Variants in EBF1 observed in about 807,000 individuals in gnomAD.
EBF1 encodes EBF transcription factor 1.
In EBF1, 10 loss-of-function variants were observed where a neutral mutation model predicts 68.4. That is an observed-to-expected ratio of 0.15 (90% confidence interval 0.09 to 0.25). The LOEUF (loss-of-function observed/expected upper bound fraction) is 0.25, where lower values mean the gene tolerates loss of function less well. Among genes scored for constraint, EBF1 ranks in the 10% least tolerant of loss-of-function variants. The pLI, the probability that EBF1 is intolerant of heterozygous loss-of-function variation, is 1.00. For synonymous variants in EBF1, 298 were observed against 299.8 expected (o/e 0.99, Z 0.06); for missense variants, 509 against 794.4 (o/e 0.64, Z 4.32).
intron 6 of EBF1, among the ~76,000 whole-genome samples, chr5:158,969,332 G>A (rs1754832291): frequency 6.6e-6 from 1 of 152,144 alleles, no homozygotes; most frequent in South Asian, 2.1e-4. Context: ...TCCTCAGGAA[G>A]CATTTGTAGG....
intron 6 of EBF1, among the ~76,000 whole-genome samples, chr5:159,020,064 C>T (rs1398119625): frequency 3.9e-5 from 6 of 152,176 alleles, no homozygotes; most frequent in Admixed American, 1.3e-4. Flanking sequence ...CCATCTCTAA[C>T]GTTCTCTATA....
intron 5 of EBF1, among the ~76,000 whole-genome samples, chr5:159,076,761 G>A (rs1468807048): frequency 6.6e-6 from 1 of 152,116 alleles, no homozygotes; most frequent in African/African-American, 2.4e-5. Context: ...TCAAAATAAT[G>A]TCTGCTACAA....
intron 6 of EBF1, among the ~76,000 whole-genome samples, chr5:159,062,436 G>C (rs1327775443): frequency 6.7e-6 from 1 of 148,898 alleles, no homozygotes; most frequent in Non-Finnish European, 1.5e-5. Context: ...TTCTTTCAGA[G>C]TCAACCAGGC....
chr5:158,947,554 G>A (rs982333676), intron 6 of EBF1, among the ~76,000 whole-genome samples: 2 of 152,156 alleles, frequency 1.3e-5, no homozygotes, highest in Admixed American at 1.3e-4. Context: ...GAGATGAACT[G>A]GGAATCTCAG....
intron 7 of EBF1, 48 bp downstream of exon 7, chr5:158,839,981 T>G: frequency 6.4e-7 from 1 of 1,565,278 alleles, no homozygotes; most frequent in Non-Finnish European, 8.8e-7. Flanking sequence ...TATCCTCTCC[T>G]GATATTCATG....
At chr5:158,947,863 C>T (rs1253076434) in intron 6 of EBF1, among the ~76,000 whole-genome samples, 1 of 152,044 alleles carries the variant, frequency 6.6e-6, no homozygotes, top group South Asian at 2.1e-4. Flanking sequence ...AATGTGGAGC[C>T]CCCTTTTAAA....
At chr5:158,880,631 C>T (rs923095803) in intron 6 of EBF1, among the ~76,000 whole-genome samples, 2 of 152,142 alleles carry the variant, frequency 1.3e-5, no homozygotes, top group African/African-American at 4.8e-5. Flanking sequence ...GTAATGTCCC[C>T]AGCATCAAAT....
intron 6 of EBF1, among the ~76,000 whole-genome samples, chr5:159,000,923 G>C (rs1332020101): frequency 1.3e-5 from 2 of 152,146 alleles, no homozygotes; most frequent in African/African-American, 4.8e-5. Context: ...ACTAACTTTT[G>C]AGAAACTTGT....
At chr5:158,773,771 A>G (rs566272234) in intron 10 of EBF1, among the ~76,000 whole-genome samples, 5 of 152,276 alleles carry the variant, frequency 3.3e-5, no homozygotes, top group Non-Finnish European at 7.4e-5. Context: ...TTCCAAGGCT[A>G]CTTAGGGATT....
At chr5:158,891,860 C>A (rs572471380) in intron 6 of EBF1, among the ~76,000 whole-genome samples, 142 of 152,180 alleles carry the variant, frequency 9.3e-4, no homozygotes, top group African/African-American at 3.0e-3. Context: ...GTCTCACTGA[C>A]AAACAAATGA....
intron 5 of EBF1, among the ~76,000 whole-genome samples, chr5:159,076,960 G>A (rs1778884638): frequency 6.6e-6 from 1 of 152,220 alleles, no homozygotes; most frequent in Non-Finnish European, 1.5e-5. Flanking sequence ...GAAATGTACA[G>A]CATATTGTGA....
chr5:159,026,739 A>T (rs1405332931), intron 6 of EBF1, among the ~76,000 whole-genome samples: 1 of 152,166 alleles, frequency 6.6e-6, no homozygotes, highest in Non-Finnish European at 1.5e-5. Context: ...ACTACATCAG[A>T]TCAGCAGATA....
intron 6 of EBF1, among the ~76,000 whole-genome samples, chr5:158,898,220 T>C (rs1033972276): frequency 9.2e-5 from 14 of 152,242 alleles, no homozygotes; most frequent in Admixed American, 2.0e-4. Flanking sequence ...TGGGTCTGAA[T>C]AGCCCCTGGT....
At chr5:159,057,329 A>C (rs1180943852) in intron 6 of EBF1, among the ~76,000 whole-genome samples, 1 of 150,986 alleles carries the variant, frequency 6.6e-6, no homozygotes, top group Non-Finnish European at 1.5e-5. Flanking sequence ...CTGGTCTCGA[A>C]CTCCTAATCT....
intron 4 of EBF1, among the ~76,000 whole-genome samples, chr5:159,087,631 G>A (rs1376208266): frequency 6.6e-6 from 1 of 151,968 alleles, no homozygotes; most frequent in East Asian, 1.9e-4. Flanking sequence ...GATATTCAAT[G>A]GATGCAATGC....
At chr5:159,072,783 A>T (rs1778058730) in intron 6 of EBF1, among the ~76,000 whole-genome samples, 1 of 152,218 alleles carries the variant, frequency 6.6e-6, no homozygotes, top group Admixed American at 6.5e-5. Flanking sequence ...TTCTACGGTG[A>T]TTTACTTGGT....
chr5:158,920,153 A>G (rs1026987850), intron 6 of EBF1, among the ~76,000 whole-genome samples: 1 of 151,142 alleles, frequency 6.6e-6, no homozygotes, highest in Non-Finnish European at 1.5e-5. Flanking sequence ...TTATATACAT[A>G]TGTGTGTGTG....
chr5:158,765,460 CA>C (rs1035696852), intron 10 of EBF1, among the ~76,000 whole-genome samples: 1 of 152,070 alleles, frequency 6.6e-6, no homozygotes, highest in African/African-American at 2.4e-5. Flanking sequence ...TGGCATTAAA[CA>C]AAGATCTAAA....
intron 6 of EBF1, among the ~76,000 whole-genome samples, chr5:158,846,890 A>G (rs1457376255): frequency 6.6e-6 from 1 of 152,204 alleles, no homozygotes; most frequent in African/African-American, 2.4e-5. Flanking sequence ...ATTCTGTTTG[A>G]GAGGTGGGGT....
Sources: allele counts gnomAD v4.1 joint callset (sites outside exome capture counted in the v4.1 genomes callset), GRCh38; gene constraint gnomAD v4.1.1; transcripts MANE v1.5; gene names NCBI Gene and HGNC (gene_info 2026-07-23, HGNC 2026-07-21).